The following VCPKMT variants were observed in gnomAD, a reference collection of about 807,000 sequenced individuals.
The protein encoded by VCPKMT is valosin containing protein lysine methyltransferase, also known as protein N-lysine methyltransferase METTL21D.
In VCPKMT, 32 loss-of-function variants were observed where a neutral mutation model predicts 28.6. The ratio of observed to expected loss-of-function variants is 1.12; its 90% confidence interval spans 0.84 to 1.50. The LOEUF is 1.50. VCPKMT is among the 40% of genes most tolerant of loss of function. The probability of loss-of-function intolerance (pLI) is 0.00; values close to 1 mark genes in which losing one functional copy is unlikely to be tolerated. For missense variants in VCPKMT, 366 were observed against 285.0 expected, an observed-to-expected ratio of 1.28 and a Z score of -2.05; for synonymous variants, 138 against 111.4, an observed-to-expected ratio of 1.24 and a Z score of -1.50.
downstream of VCPKMT, among the ~76,000 whole-genome samples, chr14:50,104,694 A>G (rs11157728): frequency 0.69 from 90,655 of 131,122 alleles, 28,093 homozygotes; most frequent in Admixed American, 0.72. Context: ...TACTCTATTG[A>G]AAAAAAAAAA....
chr14:50,103,529 G>A, the VCPKMT span, among the ~76,000 whole-genome samples: 1 of 152,162 alleles, frequency 6.6e-6, no homozygotes, highest in Admixed American at 6.5e-5. Context: ...AGGGTCCAGG[G>A]CGGTGGAATG....
At chr14:50,107,078 A>G (rs1483069824), downstream of VCPKMT, among the ~76,000 whole-genome samples, 1 of 152,200 alleles carries the variant, frequency 6.6e-6, no homozygotes, top group Non-Finnish European at 1.5e-5. Context: ...TCGAAAGCCC[A>G]AAAGACTAAA....
chr14:50,109,244 C>G lies in VCPKMT; in HGVS notation c.*455G>C. The G allele has an allele frequency of 1.1e-6, 1 of 938,134 alleles. No homozygotes were observed. The highest frequency in any genetic ancestry group is 1.3e-6 in the Non-Finnish European group (1 of 786,646). 58.1% of individuals were successfully genotyped at this position (938,134 alleles called of 1,614,324 possible). ...ATGATAAATATTGTATAATTATGTA[C>G]AAAATGAAAACCTTTTAAACTCTGA... On this transcript the variant is annotated 3_prime_UTR_variant, in exon 6 of 6. Coordinates refer to ENST00000395860, the MANE Select transcript of VCPKMT (RefSeq NM_024558.3).
At chr14:50,113,909 C>A (rs1447829884) in intron 4 of VCPKMT, among the ~76,000 whole-genome samples, 1 of 26,300 alleles carries the variant, frequency 3.8e-5, no homozygotes, top group Admixed American at 4.9e-4. Flanking sequence ...GGGTGAAACC[C>A]TGTCTCAAAA....
At position 50,116,113 on chromosome 14, in the gene VCPKMT, G is replaced by T; in HGVS notation, c.333C>A (p.Asn111Lys). 1 of 1,614,002 alleles carries T rather than the reference G, an allele frequency of 6.2e-7. No individual in the cohort carries two copies. The highest frequency in any genetic ancestry group is 8.5e-7 in the Non-Finnish European group (1 of 1,179,988). ...QDLLKMNINM[N>K]KHLVTGSVQA... ...GAACAGAACCAGTGACAAGATGCTT[G>T]TTCATATTAATATTCATCTTCAGCA... The change falls in exon 2 of 6, where the codon AAC becomes AAA. Residue 111 changes from asparagine to lysine, a missense_variant. By Grantham distance (94) the Asn-to-Lys change is moderately conservative. Transcript: ENST00000395860.
At chr14:50,105,034 T>A (rs902961710), downstream of VCPKMT, among the ~76,000 whole-genome samples, 6 of 137,516 alleles carry the variant, frequency 4.4e-5, no homozygotes, top group African/African-American at 1.4e-4. Flanking sequence ...AAAGGTAGGC[T>A]TTTTTTTTTA....
chr14:50,115,972 A>T, intron 2 of VCPKMT, 61 bp from the exon 3 acceptor site: 1 of 1,597,438 alleles, frequency 6.3e-7, no homozygotes, highest in Non-Finnish European at 8.6e-7. Flanking sequence ...CTTGTTTTAT[A>T]AAGAACCGGA....
chr14:50,106,661 T>A (rs1003051028), downstream of VCPKMT: 1 of 983,914 alleles, frequency 1.0e-6, no homozygotes, highest in African/African-American at 1.7e-5. Context: ...AGAGAAATAC[T>A]GGTCTCCCAT....
chr14:50,108,575 C>G (rs1882425937), downstream of VCPKMT: 1 of 983,544 alleles, frequency 1.0e-6, no homozygotes, highest in African/African-American at 1.7e-5. Context: ...TGCTTTTGCT[C>G]CTGTTAACTG....
Position 50,115,845 on chromosome 14 carries a change from A to G in VCPKMT, c.444T>C (p.Tyr148=), listed in dbSNP as rs1883131873. ...TCGCTCACTGGATACTTACCTCTTC[A>G]TAGTATATGCAGTCGGCCATCAGTA... ...DFILMADCIY[Y]EESLEPLLKT... The change falls in exon 3 of 6, where the codon TAT becomes TAC. Residue 148 remains tyrosine (Y), a synonymous_variant. Coordinates refer to ENST00000395860, the MANE Select transcript of VCPKMT (RefSeq NM_024558.3). 1.2e-6 allele frequency: 2 copies of G among 1,609,030 alleles called. No individual in the cohort carries two copies. Among genetic ancestry groups the G allele is most frequent in the Middle Eastern group, 3.3e-4 (2 of 6,050 alleles).
intron 5 of VCPKMT, chr14:50,111,604 G>T: frequency 2.0e-6 from 2 of 985,380 alleles, no homozygotes; most frequent in Non-Finnish European, 2.4e-6. Flanking sequence ...AAGGCCAGGC[G>T]CAGCAGCTCA....
Position 50,109,175 on chromosome 14 carries a change from T to G in VCPKMT, c.*524A>C. ...TTCTTTTTAAAATTAAAAGAACATT[T>G]CAGTATTAAAGATATTTTAAAAGAA... is the stretch of plus-strand genomic sequence containing the variant. On this transcript the variant is annotated 3_prime_UTR_variant, in exon 6 of 6. Coordinates refer to ENST00000395860, the MANE Select transcript of VCPKMT (RefSeq NM_024558.3). The G allele has an allele frequency of 2.2e-6, 2 of 897,360 alleles. No homozygotes were observed. The highest frequency in any genetic ancestry group is 2.7e-6 in the Non-Finnish European group (2 of 749,332). 55.6% of individuals were successfully genotyped at this position (897,360 alleles called of 1,614,324 possible).
rs2139427747 is a variant in VCPKMT, at chr14:50,109,110, A to G, written c.*589T>C. 1 of 968,488 alleles carries G rather than the reference A, an allele frequency of 1.0e-6. No individual in the cohort carries two copies. The highest frequency in any genetic ancestry group is 1.2e-6 in the Non-Finnish European group (1 of 814,370). The allele number at this position is 968,488 out of a possible 1,614,324, so 60.0% of individuals were successfully genotyped here. Reference sequence around the variant, plus strand: ...ATAGATATGTATGGTGGAGGAAAAGAAAACTTTGGCTAATATAAGTATACA... The same window carrying G: ...ATAGATATGTATGGTGGAGGAAAAGGAAACTTTGGCTAATATAAGTATACA... On this transcript the variant is annotated 3_prime_UTR_variant, in exon 6 of 6. Coordinates refer to ENST00000395860, the MANE Select transcript of VCPKMT (RefSeq NM_024558.3).
rs559049132 is a variant in VCPKMT, at chr14:50,115,463, TAAAGA to T, written c.450+371_450+375del. On this transcript the variant is annotated intron_variant, in intron 3 of 5. Coordinates refer to ENST00000395860, the MANE Select transcript of VCPKMT (RefSeq NM_024558.3). The stretch of plus-strand genomic sequence containing the variant: ...ACCGCGCCCGGCCCAAACTGGTATT[TAAAGA>T]AAAGAACAATGAATTATTTATAACT... Among the ~76,000 whole-genome samples the T allele has an allele frequency of 3.1e-3, 478 of 152,316 alleles. 1 individual carries two copies. The highest frequency in any genetic ancestry group is 0.011 in the African/African-American group (459 of 41,558).
At chr14:50,107,402 C>A (rs1056069113), downstream of VCPKMT, among the ~76,000 whole-genome samples, 3 of 151,974 alleles carry the variant, frequency 2.0e-5, no homozygotes, top group African/African-American at 7.3e-5. Context: ...GTAGCCTCCA[C>A]CTCCAGGGTT....
the VCPKMT span, among the ~76,000 whole-genome samples, chr14:50,103,443 T>C: frequency 5.3e-5 from 8 of 152,310 alleles, no homozygotes; most frequent in Admixed American, 4.6e-4. Flanking sequence ...AAAAATGACT[T>C]TCTGCTGTAC....
chr14:50,106,563 C>T (rs1490120128), downstream of VCPKMT: 3 of 985,322 alleles, frequency 3.0e-6, no homozygotes, highest in Non-Finnish European at 3.6e-6. Context: ...CAATACCCCT[C>T]AGCCTTACAG....
At chr14:50,111,392 C>A in intron 5 of VCPKMT, 1 of 985,400 alleles carries the variant, frequency 1.0e-6, no homozygotes, top group Non-Finnish European at 1.2e-6. Context: ...GTCCTAACAC[C>A]TACTTCTGTT....
At chr14:50,112,193 A>C in intron 5 of VCPKMT, 1 of 413,392 alleles carries the variant, frequency 2.4e-6, no homozygotes, top group Non-Finnish European at 3.3e-6. Flanking sequence ...TGTCTGAGGT[A>C]ATACCCAATT....
Sources: gnomAD v4.1 joint callset for allele counts (sites outside exome capture counted in the v4.1 genomes callset) on GRCh38, gnomAD v4.1.1 for gene constraint, MANE v1.5 for transcripts, NCBI Gene and HGNC (gene_info 2026-07-23, HGNC 2026-07-21) for gene names.